NRG3: variants seen among roughly 807,000 people sequenced by gnomAD.
The protein encoded by NRG3 is pro-neuregulin-3, membrane-bound isoform.
Under a neutral mutation model 66.9 loss-of-function variants are expected in NRG3, and 31 were observed. The observed-to-expected ratio is 0.46, with a 90% CI of 0.35 to 0.63. The LOEUF (loss-of-function observed/expected upper bound fraction) is 0.63. Ranked by LOEUF, NRG3 falls within the 20% of genes least tolerant of loss-of-function variation. The pLI is 0.00. For missense variants in NRG3, 910 were observed against 878.9 expected, an observed-to-expected ratio of 1.04 and a Z score of -0.45; for synonymous variants, 393 against 359.4, an observed-to-expected ratio of 1.09 and a Z score of -1.06.
chr10:82,154,786 T>A (rs2071061970), intron 1 of NRG3, among the ~76,000 whole-genome samples: 1 of 151,814 alleles, frequency 6.6e-6, no homozygotes, highest in African/African-American at 2.4e-5. Flanking sequence ...TTAAATTTAT[T>A]CATAAGTTTT....
chr10:82,936,792 G>C (rs979561346), intron 4 of NRG3, among the ~76,000 whole-genome samples: 9 of 152,130 alleles, frequency 5.9e-5, no homozygotes, highest in African/African-American at 1.9e-4. Context: ...TGAGCAAGTA[G>C]AGGAAGACAA....
intron 2 of NRG3, among the ~76,000 whole-genome samples, chr10:82,390,974 T>A (rs1326606564): frequency 6.6e-6 from 1 of 152,076 alleles, no homozygotes; most frequent in African/African-American, 2.4e-5. Flanking sequence ...GATTGGGCCC[T>A]GGCTTCCGGA....
chr10:82,238,659 G>A (rs566880527), intron 1 of NRG3, among the ~76,000 whole-genome samples: 6 of 151,358 alleles, frequency 4.0e-5, no homozygotes, highest in African/African-American at 1.5e-4. Flanking sequence ...TACATAATGT[G>A]TACATCTGGA....
chr10:82,869,496 G>C (rs1841080838), intron 4 of NRG3, among the ~76,000 whole-genome samples: 1 of 151,830 alleles, frequency 6.6e-6, no homozygotes, highest in Admixed American at 6.6e-5. Flanking sequence ...TACAGAGTAG[G>C]TTTACTGCCC....
intron 2 of NRG3, among the ~76,000 whole-genome samples, chr10:82,590,518 G>A (rs2046920386): frequency 6.6e-6 from 1 of 152,148 alleles, no homozygotes; most frequent in South Asian, 2.1e-4. Flanking sequence ...GTAGGATGCT[G>A]TAGCATTGGC....
At chr10:82,851,763 A>G (rs750297087) in intron 3 of NRG3, among the ~76,000 whole-genome samples, 18 of 152,124 alleles carry the variant, frequency 1.2e-4, no homozygotes, top group Non-Finnish European at 2.4e-4. Flanking sequence ...ATTTGTTCAT[A>G]TGCTTGATCT....
intron 5 of NRG3, among the ~76,000 whole-genome samples, chr10:82,952,950 C>A (rs970105801): frequency 6.6e-6 from 1 of 151,924 alleles, no homozygotes; most frequent in African/African-American, 2.4e-5. Context: ...ATACCTTAGA[C>A]CAAAGTTCCT....
At chr10:82,122,419 T>C (rs143523776) in intron 1 of NRG3, among the ~76,000 whole-genome samples, 3 of 152,270 alleles carry the variant, frequency 2.0e-5, no homozygotes, top group Non-Finnish European at 2.9e-5. Flanking sequence ...ACTGGTATGT[T>C]AGTGTGTTTT....
chr10:82,110,123 A>G (rs181325338), intron 1 of NRG3, among the ~76,000 whole-genome samples: 183 of 152,318 alleles, frequency 1.2e-3, no homozygotes, highest in Admixed American at 2.5e-3. Flanking sequence ...GGGTAAAGGG[A>G]GGCTACAATT....
chr10:82,713,309 C>A (rs1259905066), intron 2 of NRG3, among the ~76,000 whole-genome samples: 1 of 151,712 alleles, frequency 6.6e-6, no homozygotes, highest in Admixed American at 6.6e-5. Context: ...TAAGAGTAAG[C>A]ATTAAAGGGC....
intron 2 of NRG3, among the ~76,000 whole-genome samples, chr10:82,485,992 G>A (rs1033919561): frequency 6.6e-6 from 1 of 152,160 alleles, no homozygotes; most frequent in African/African-American, 2.4e-5. Flanking sequence ...AAGTGGACTT[G>A]AATAGACATT....
chr10:82,493,900 A>C (rs1357989982), intron 2 of NRG3, among the ~76,000 whole-genome samples: 1 of 152,130 alleles, frequency 6.6e-6, no homozygotes, highest in Non-Finnish European at 1.5e-5. Flanking sequence ...CTTACAACAA[A>C]AAACAGCCCC....
intron 3 of NRG3, among the ~76,000 whole-genome samples, chr10:82,840,771 T>C (rs968978579): frequency 3.3e-5 from 5 of 151,888 alleles, no homozygotes; most frequent in South Asian, 4.2e-4. Flanking sequence ...ATGGAGAGGG[T>C]TGAAAATTAC....
chr10:82,320,299 C>A (rs1452087126), intron 1 of NRG3, among the ~76,000 whole-genome samples: 1 of 152,008 alleles, frequency 6.6e-6, no homozygotes. Flanking sequence ...TTAGTAAATA[C>A]CTAAGTCATT....
rs530395239 is a variant in NRG3 at position 81,979,294 on chromosome 10, G to A, written c.823+103131G>A. On this transcript the variant is annotated intron_variant, in intron 1 of 8. Coordinates refer to ENST00000372141, the MANE Select transcript of NRG3 (RefSeq NM_001010848.4). ...GATTTCCTCCACAGAGTCTCTATGG[G>A]AAATATTGTAGAGGTTATGGCTTCC... 2.6e-5 allele frequency among the ~76,000 whole-genome samples: 4 copies of A among 152,088 alleles called. No homozygotes were observed. In the South Asian group the frequency reaches 8.3e-4, roughly 32 times the overall value.
intron 1 of NRG3, among the ~76,000 whole-genome samples, chr10:82,248,047 A>G (rs2077321582): frequency 6.6e-6 from 1 of 152,166 alleles, no homozygotes; most frequent in Non-Finnish European, 1.5e-5. Flanking sequence ...AAATTTGAAC[A>G]GAATCATCTC....
At chr10:82,544,495 G>A (rs77265067) in intron 2 of NRG3, among the ~76,000 whole-genome samples, 133 of 152,164 alleles carry the variant, frequency 8.7e-4, no homozygotes, top group African/African-American at 3.1e-3. Context: ...ACTTGATTTA[G>A]CCAATGGGAT....
chr10:82,957,171 C>T (rs1216762513), intron 5 of NRG3, among the ~76,000 whole-genome samples: 3 of 151,898 alleles, frequency 2.0e-5, no homozygotes, highest in South Asian at 2.1e-4. Flanking sequence ...GAACATTTTG[C>T]GTGTGCCTCC....
At chr10:82,291,844 G>T (rs747018416) in intron 1 of NRG3, among the ~76,000 whole-genome samples, 2 of 151,998 alleles carry the variant, frequency 1.3e-5, no homozygotes, top group African/African-American at 4.8e-5. Flanking sequence ...ATGAATTATC[G>T]GCTGGAAACA....
Sources: gnomAD v4.1 joint callset for allele counts (sites outside exome capture counted in the v4.1 genomes callset) on GRCh38, gnomAD v4.1.1 for gene constraint, MANE v1.5 for transcripts, NCBI Gene and HGNC (gene_info 2026-07-23, HGNC 2026-07-21) for gene names.